The following SPATA31H1 variants were observed in gnomAD, a reference collection of about 807,000 sequenced individuals.
The protein encoded by SPATA31H1 is SPATA31 subfamily H member 1.
At chr2:27,554,162 TAAG>T in the SPATA31H1 span, among the ~76,000 whole-genome samples, 10 of 152,074 alleles carry the variant, frequency 6.6e-5, no homozygotes, top group African/African-American at 2.4e-4. Context: ...AGATATTCTC[TAAG>T]AAGATGGAAG....
the SPATA31H1 span, chr2:27,565,228 T>C: frequency 4.6e-6 from 3 of 645,904 alleles, no homozygotes; most frequent in African/African-American, 5.5e-5. Flanking sequence ...CAATATCTGA[T>C]ACATGAGATG....
the SPATA31H1 span, chr2:27,537,450 C>T: frequency 1.1e-5 from 8 of 717,262 alleles, no homozygotes; most frequent in East Asian, 2.7e-5. Context: ...GGGGGATGGA[C>T]GTCCCACTGC....
the SPATA31H1 span, among the ~76,000 whole-genome samples, chr2:27,560,447 T>C: frequency 3.3e-5 from 5 of 151,856 alleles, no homozygotes; most frequent in Non-Finnish European, 7.3e-5. Context: ...GATGAATATT[T>C]TCCTCAAAGA....
chr2:27,578,597 A>C, the SPATA31H1 span: 3 of 1,614,016 alleles, frequency 1.9e-6, no homozygotes, highest in Admixed American at 5.0e-5. Flanking sequence ...AACATACAAT[A>C]TTGACTCATA....
chr2:27,543,382 G>C, the SPATA31H1 span, among the ~76,000 whole-genome samples: 1 of 151,830 alleles, frequency 6.6e-6, no homozygotes. Context: ...AAGAGTAAAA[G>C]ACAAATGTCT....
chr2:27,580,395 C>T, the SPATA31H1 span: 7 of 1,614,032 alleles, frequency 4.3e-6, no homozygotes, highest in East Asian at 2.2e-5. Context: ...GAATGAAAAA[C>T]GGGCTAAAGT....
the SPATA31H1 span, chr2:27,580,347 G>T: frequency 1.9e-6 from 3 of 1,614,028 alleles, no homozygotes; most frequent in African/African-American, 2.7e-5. Context: ...ATTCACTCAA[G>T]TTCACAACCT....
At chr2:27,558,924 G>GGAGGGA in the SPATA31H1 span, among the ~76,000 whole-genome samples, 807 of 87,638 alleles carry the variant, frequency 9.2e-3, 6 homozygotes, top group African/African-American at 0.022. Context: ...AGAGGGAGGG[G>GGAGGGA]GAGGGAGAGG....
chr2:27,558,781 A>G, the SPATA31H1 span, among the ~76,000 whole-genome samples: 1 of 104,130 alleles, frequency 9.6e-6, no homozygotes, highest in Non-Finnish European at 2.0e-5. Flanking sequence ...CGCGCCTGCA[A>G]TCGCAGGCAC....
chr2:27,543,243 C>G, the SPATA31H1 span, among the ~76,000 whole-genome samples: 2 of 152,134 alleles, frequency 1.3e-5, no homozygotes, highest in East Asian at 3.9e-4. Context: ...TTCTTTCATC[C>G]TCATAATTTT....
chr2:27,572,509 A>C, the SPATA31H1 span: 2 of 398,336 alleles, frequency 5.0e-6, no homozygotes, highest in Admixed American at 4.4e-5. Context: ...AAACCTATGG[A>C]GTTTAACCGT....
the SPATA31H1 span, chr2:27,568,674 T>G: frequency 2.5e-6 from 1 of 398,776 alleles, no homozygotes; most frequent in Admixed American, 4.4e-5. Context: ...AGATACAAAA[T>G]CTGCGGAGTT....
the SPATA31H1 span, chr2:27,580,761 A>G: frequency 6.2e-7 from 1 of 1,614,216 alleles, no homozygotes; most frequent in Non-Finnish European, 8.5e-7. Flanking sequence ...ACAAAATGCC[A>G]GGGACTATTG....
the SPATA31H1 span, chr2:27,570,582 C>A: frequency 7.5e-6 from 3 of 398,896 alleles, no homozygotes; most frequent in Non-Finnish European, 8.9e-6. Flanking sequence ...GCTGCAGCTA[C>A]AAGATGTCAA....
chr2:27,560,697 T>G, the SPATA31H1 span, among the ~76,000 whole-genome samples: 1 of 152,170 alleles, frequency 6.6e-6, no homozygotes, highest in African/African-American at 2.4e-5. Context: ...GACCTCGTGA[T>G]CCGCCTGCCT....
the SPATA31H1 span, among the ~76,000 whole-genome samples, chr2:27,558,928 GGAGAGGGAGAGGGAGAGGGAGAGGGAGA>G: frequency 1.8e-5 from 1 of 55,640 alleles, no homozygotes; most frequent in Non-Finnish European, 3.4e-5. Context: ...GGAGGGGGAG[GGAGAGGGAGAGGGAGAGGGAGAGGGAGA>G]GGGAGAGCTA....
At chr2:27,573,001 C>A in the SPATA31H1 span, 3 of 388,032 alleles carry the variant, frequency 7.7e-6, no homozygotes, top group Non-Finnish European at 9.0e-6. Context: ...CTTGGAAATG[C>A]GAAATCTGTG....
chr2:27,565,147 C>T, the SPATA31H1 span, among the ~76,000 whole-genome samples: 1 of 152,064 alleles, frequency 6.6e-6, no homozygotes, highest in Non-Finnish European at 1.5e-5. Context: ...AGTTAATCAC[C>T]GTCCTCTATA....
chr2:27,554,864 G>A, the SPATA31H1 span, among the ~76,000 whole-genome samples: 41 of 152,038 alleles, frequency 2.7e-4, no homozygotes, highest in African/African-American at 8.0e-4. Flanking sequence ...GTGAGCCACC[G>A]TGCCCAGTCC....
Sources: gnomAD v4.1 joint callset for allele counts (sites outside exome capture counted in the v4.1 genomes callset) on GRCh38, gnomAD v4.1.1 for gene constraint, MANE v1.5 for transcripts, NCBI Gene and HGNC (gene_info 2026-07-23, HGNC 2026-07-21) for gene names.